NNT: variants seen among roughly 807,000 people sequenced by gnomAD.
NNT encodes nicotinamide nucleotide transhydrogenase.
NNT carries 50 observed loss-of-function variants against 104.8 expected under a neutral mutation model. That is an observed-to-expected ratio of 0.48 (90% confidence interval 0.38 to 0.60). The LOEUF is 0.60. Ranked by LOEUF, NNT falls within the 20% of genes least tolerant of loss-of-function variation. NNT has a pLI of 0.00. For missense variants in NNT, 1,131 were observed against 1,330.7 expected (o/e 0.85, Z 2.33); for synonymous variants, 461 against 490.4 (o/e 0.94, Z 0.79).
At chr5:43,627,791 G>C (rs1434526109) in intron 6 of NNT, among the ~76,000 whole-genome samples, 2 of 152,016 alleles carry the variant, frequency 1.3e-5, no homozygotes, top group African/African-American at 4.8e-5. Flanking sequence ...TTGTGGGAAA[G>C]GTCTCTAGTA....
At chr5:43,682,780 A>T (rs1432264554) in intron 19 of NNT, among the ~76,000 whole-genome samples, 1 of 152,214 alleles carries the variant, frequency 6.6e-6, no homozygotes, top group Non-Finnish European at 1.5e-5. Flanking sequence ...ATCCATAACC[A>T]TTCATTGAAC....
intron 6 of NNT, 139 bp downstream of exon 6, chr5:43,624,259 C>T: frequency 4.0e-6 from 3 of 759,488 alleles, no homozygotes; most frequent in Non-Finnish European, 6.8e-6. Flanking sequence ...AATGTTTCCA[C>T]TTTTTAAAAG....
At chr5:43,643,390 T>G (rs887194307) in intron 7 of NNT, among the ~76,000 whole-genome samples, 17 of 152,238 alleles carry the variant, frequency 1.1e-4, no homozygotes, top group African/African-American at 3.1e-4. Flanking sequence ...GGTTTTCATC[T>G]TCTATGTAAG....
chr5:43,655,322 ACTG>A (rs1739983103), intron 14 of NNT, among the ~76,000 whole-genome samples: 1 of 152,134 alleles, frequency 6.6e-6, no homozygotes, highest in Non-Finnish European at 1.5e-5. Flanking sequence ...GTGGAGAAAA[ACTG>A]CTGTTTTGAA....
intron 17 of NNT, among the ~76,000 whole-genome samples, chr5:43,661,574 C>T (rs934230359): frequency 1.7e-5 from 2 of 117,492 alleles, no homozygotes; most frequent in Admixed American, 2.0e-4. Context: ...CCCCACCCCA[C>T]CACAGTCCCC....
chr5:43,656,767 C>G lies in NNT; in HGVS notation c.2408C>G (p.Thr803Ser). The change falls in exon 16 of 22, where the codon ACT becomes AGT. Residue 803 changes from threonine to serine, a missense_variant. Coordinates refer to ENST00000344920, the MANE Select transcript of NNT (RefSeq NM_182977.3). ...TTCATGGTGGACCCAAGCTTTACTA[C>G]TGGCATCACCTGTCTGGGTTCAGTG... ...IPFMVDPSFT[T>S]GITCLGSVSA... 3 of 1,614,170 alleles carry G rather than the reference C, an allele frequency of 1.9e-6. No homozygotes were observed. Among genetic ancestry groups the G allele is most frequent in the Non-Finnish European group, 2.5e-6 (3 of 1,180,010 alleles).
chr5:43,680,572 T>G (rs546505050), intron 19 of NNT, among the ~76,000 whole-genome samples: 3 of 152,298 alleles, frequency 2.0e-5, no homozygotes, highest in African/African-American at 7.2e-5. Context: ...TATACCCAAG[T>G]GGTGCCAAGA....
intron 7 of NNT, among the ~76,000 whole-genome samples, chr5:43,641,993 A>T (rs1437008630): frequency 1.3e-5 from 2 of 152,156 alleles, no homozygotes; most frequent in African/African-American, 4.8e-5. Context: ...TGGACACTTG[A>T]TGTCTTGCAA....
chr5:43,644,198 A>G lies in NNT; in HGVS notation c.971A>G (p.Lys324Arg). The G allele has an allele frequency of 6.2e-7, 1 of 1,601,360 alleles. No individual in the cohort carries two copies. The highest frequency in any genetic ancestry group is 8.5e-7 in the Non-Finnish European group (1 of 1,175,876). ...CTTTCTTTGATTTTATTAGGTAAAAAAGCTCCAGTTTTATTTAATAAAGAA... is the reference window on the plus strand; with the variant it reads ...CTTTCTTTGATTTTATTAGGTAAAAGAGCTCCAGTTTTATTTAATAAAGAA... ...LISTALIPGK[K>R]APVLFNKEMI... is the part of the protein sequence containing the mutation. Residue 324 changes from lysine (K) to arginine (R), a missense_variant, in exon 8 of 22, where the codon AAA becomes AGA. Coordinates refer to ENST00000344920, the MANE Select transcript of NNT (RefSeq NM_182977.3).
chr5:43,697,175 T>C (rs893366477), intron 19 of NNT, among the ~76,000 whole-genome samples: 2 of 152,244 alleles, frequency 1.3e-5, no homozygotes, highest in South Asian at 4.1e-4. Context: ...CGTCAGCTCT[T>C]GAATGGTTTG....
At chr5:43,609,744 C>A (rs1290514000) in intron 2 of NNT, among the ~76,000 whole-genome samples, 2 of 152,192 alleles carry the variant, frequency 1.3e-5, no homozygotes, top group African/African-American at 4.8e-5. Context: ...TTAATGCTTT[C>A]CAATTTAGTT....
At position 43,675,583 on chromosome 5, in the gene NNT, A is replaced by G. The variant is rs748069678; in HGVS notation, c.2707A>G (p.Met903Val). The change falls in exon 18 of 22, where the codon ATG becomes GTG. Residue 903 changes from methionine to valine, a missense_variant. Met to Val is a conservative substitution (Grantham distance 21, BLOSUM62 1). Transcript: ENST00000344920. ...GTTSTAGGKPMEISGTHTEIN... is the reference protein window; with the variant it reads ...GTTSTAGGKPVEISGTHTEIN... ...CACTTCAACAGCTGGTGGAAAACCC[A>G]TGGAAATTTCTGGCACACATACGGA... 2 of 1,613,836 alleles carry G rather than the reference A, an allele frequency of 1.2e-6. No homozygotes were observed. Among genetic ancestry groups the G allele is most frequent in the Non-Finnish European group, 1.7e-6 (2 of 1,179,910 alleles).
In NNT at chr5:43,671,363, A is replaced by G. The variant is rs189158153; in HGVS notation, c.2635-4148A>G. The stretch of plus-strand genomic sequence containing the variant: ...GGTTATTTTGCTCGTTAGTTGATGC[A>G]GTTTCTTCCTAGCCTCGATGGTCTT... On this transcript the variant is annotated intron_variant, in intron 17 of 21. Transcript: ENST00000344920. Among the ~76,000 whole-genome samples the G allele has an allele frequency of 1.6e-3, 250 of 152,304 alleles. 2 individuals carry two copies. Among genetic ancestry groups the G allele is most frequent in the African/African-American group, 5.7e-3 (237 of 41,552 alleles).
chr5:43,691,326 ACTC>A (rs1193565606), intron 19 of NNT, among the ~76,000 whole-genome samples: 2 of 151,120 alleles, frequency 1.3e-5, no homozygotes, highest in East Asian at 3.9e-4. Flanking sequence ...CTGGTCTTGA[ACTC>A]CTGACCTCAG....
intron 15 of NNT, 150 bp from the exon 16 acceptor site, chr5:43,656,503 G>A (rs1740055334): frequency 1.7e-5 from 11 of 629,294 alleles, no homozygotes; most frequent in Non-Finnish European, 2.6e-5. Context: ...TTTGCATGGA[G>A]GGACTAGTTG....
chr5:43,705,133 A>G lies in NNT; in HGVS notation c.*729A>G, dbSNP rs1743049086. The G allele has an allele frequency of 6.6e-6, 1 of 152,174 alleles. No individual in the cohort carries two copies. The highest frequency in any genetic ancestry group is 2.4e-5 in the African/African-American group (1 of 41,458). The allele number at this position is 152,174 out of a possible 1,614,324, so 9.4% of individuals were successfully genotyped here. A position where few individuals can be genotyped will look rare whatever the true frequency, so the allele number is the denominator to read the frequency against. ...TTGAAGATCCCATTTCTAATTGGAG[A>G]TCTCTTTAATTTCGATCAACTTATA... On this transcript the variant is annotated 3_prime_UTR_variant, in exon 22 of 22. Coordinates refer to ENST00000344920, the MANE Select transcript of NNT (RefSeq NM_182977.3).
intron 21 of NNT, among the ~76,000 whole-genome samples, chr5:43,703,687 T>C (rs376812065): frequency 2.0e-5 from 3 of 152,172 alleles, no homozygotes; most frequent in South Asian, 2.1e-4. Flanking sequence ...AACATATCAA[T>C]ATTATAGATT....
chr5:43,681,375 A>G (rs1467503788), intron 19 of NNT, among the ~76,000 whole-genome samples: 1 of 151,948 alleles, frequency 6.6e-6, no homozygotes, highest in African/African-American at 2.4e-5. Flanking sequence ...AATTTATTGA[A>G]CAACTTTCAA....
chr5:43,689,179 A>G (rs1292979289), intron 19 of NNT, among the ~76,000 whole-genome samples: 1 of 152,106 alleles, frequency 6.6e-6, no homozygotes, highest in Non-Finnish European at 1.5e-5. Context: ...ACATTTGTAT[A>G]TCTTCTTTGA....
Sources: allele counts gnomAD v4.1 joint callset (sites outside exome capture counted in the v4.1 genomes callset), GRCh38; gene constraint gnomAD v4.1.1; transcripts MANE v1.5; gene names NCBI Gene and HGNC (gene_info 2026-07-23, HGNC 2026-07-21).